CARHSP1: variants seen among roughly 807,000 people sequenced by gnomAD.
CARHSP1 encodes calcium-regulated heat-stable protein 1.
CARHSP1 carries 14 observed loss-of-function variants against 12.5 expected under a neutral mutation model. That is an observed-to-expected ratio of 1.12 (90% confidence interval 0.74 to 1.75). The LOEUF (loss-of-function observed/expected upper bound fraction) is 1.75, where lower values mean the gene tolerates loss of function less well. Among genes scored for constraint, CARHSP1 ranks in the 40% most tolerant of loss-of-function variants. The probability of loss-of-function intolerance (pLI) is 0.00; values close to 1 mark genes in which losing one functional copy is unlikely to be tolerated. For missense variants in CARHSP1, 343 were observed against 201.6 expected, an observed-to-expected ratio of 1.70 and a Z score of -4.25; for synonymous variants, 161 against 82.0, an observed-to-expected ratio of 1.96 and a Z score of -5.20.
intron 3 of CARHSP1, 122 bp downstream of exon 3, chr16:8,858,226 TCA>T (rs1331719435): frequency 4.3e-6 from 5 of 1,170,106 alleles, no homozygotes; most frequent in Non-Finnish European, 4.7e-6. Context: ...ACAGGCAGAG[TCA>T]CACAGGCCCA....
At chr16:8,860,499 G>T in intron 1 of CARHSP1, 1 of 985,434 alleles carries the variant, frequency 1.0e-6, no homozygotes, top group Non-Finnish European at 1.2e-6. Context: ...TCGAGGTTCA[G>T]GGGAAAGAGA....
At chr16:8,865,695 A>T (rs1293380630) in intron 1 of CARHSP1, among the ~76,000 whole-genome samples, 2 of 152,150 alleles carry the variant, frequency 1.3e-5, no homozygotes, top group Non-Finnish European at 1.5e-5. Context: ...TAGTGCTTTC[A>T]TACACCCTAC....
Position 8,858,489 on chromosome 16 carries a change from A to T in CARHSP1, c.159-17T>A, listed in dbSNP as rs199843045. 5.0e-6 allele frequency: 8 copies of T among 1,612,224 alleles called. No individual in the cohort carries two copies. Among genetic ancestry groups the T allele is most frequent in the Non-Finnish European group, 6.8e-6 (8 of 1,179,734 alleles). ...CGCACCGTCCTGACAGAGAGGGGGAAATGTCAGGGGCCCCATCAGCGCTCC... is the reference window on the plus strand; with the variant it reads ...CGCACCGTCCTGACAGAGAGGGGGATATGTCAGGGGCCCCATCAGCGCTCC... On this transcript the variant is annotated splice_polypyrimidine_tract_variant and intron_variant, in intron 2 of 3. Coordinates refer to ENST00000311052, the MANE Select transcript of CARHSP1 (RefSeq NM_014316.4).
chr16:8,863,703 G>C (rs1400101338), intron 1 of CARHSP1, among the ~76,000 whole-genome samples: 1 of 152,188 alleles, frequency 6.6e-6, no homozygotes, highest in Non-Finnish European at 1.5e-5. Flanking sequence ...AGGCCCAGCA[G>C]AGAGGAGTGA....
intron 1 of CARHSP1, chr16:8,860,650 G>C (rs1323874005): frequency 6.3e-6 from 1 of 159,966 alleles, no homozygotes; most frequent in Non-Finnish European, 8.6e-6. Context: ...GATGAAGTAG[G>C]GAGAAGCCTA....
At chr16:8,856,223 C>T (rs748808026) in intron 3 of CARHSP1, among the ~76,000 whole-genome samples, 1 of 152,128 alleles carries the variant, frequency 6.6e-6, no homozygotes, top group Non-Finnish European at 1.5e-5. Flanking sequence ...CATGAGTCAC[C>T]CTCTCACATG....
At chr16:8,858,716 A>C (rs1374667462) in intron 2 of CARHSP1, 1 of 524,788 alleles carries the variant, frequency 1.9e-6, no homozygotes, top group Admixed American at 3.6e-5. Context: ...GGAAAGAGGG[A>C]GTTGAACTAA....
At chr16:8,855,433 C>A in intron 3 of CARHSP1, 107 bp from the exon 4 acceptor site, 2 of 1,006,402 alleles carry the variant, frequency 2.0e-6, no homozygotes, top group South Asian at 2.5e-5. Context: ...CAGGCACCAT[C>A]TGACCAACCA....
rs1396031411 is a variant in CARHSP1 at position 8,861,626 on chromosome 16, C to G, written c.-7-2291G>C. 3.9e-6 allele frequency: 5 copies of G among 1,289,008 alleles called. No individual in the cohort carries two copies. The East Asian group carries it at 2.2e-4, about 57-fold the overall frequency. 79.8% of individuals were successfully genotyped at this position (1,289,008 alleles called of 1,614,324 possible). ...GCCTCAGTTCTGTCGGGCTGGGAAG[C>G]TGGTGGCTGGCTTGCCTTCTGGAGG... On this transcript the variant is annotated intron_variant, in intron 1 of 3. Coordinates refer to ENST00000311052, the MANE Select transcript of CARHSP1 (RefSeq NM_014316.4).
rs184389559 is a variant in CARHSP1 at position 8,860,377 on chromosome 16, A to G, written c.-7-1042T>C. ...CGGTAAATCCAGCTGGAGGGCGGGA[A>G]TTCCCTAGCTGCTGCTGTGCTTTTG... On this transcript the variant is annotated intron_variant, in intron 1 of 3. Transcript: ENST00000311052. 6 of 985,418 alleles carry G rather than the reference A, an allele frequency of 6.1e-6. No individual in the cohort carries two copies. In the East Asian group the frequency reaches 5.7e-4, roughly 93 times the overall value. The allele number at this position is 985,418 out of a possible 1,614,324, so 61.0% of individuals were successfully genotyped here.
intron 3 of CARHSP1, among the ~76,000 whole-genome samples, chr16:8,857,277 T>TTTG (rs2061158838): frequency 1.5e-5 from 1 of 65,906 alleles, no homozygotes; most frequent in African/African-American, 9.5e-5. Context: ...TTTTTTTTTT[T>TTTG]TTTTTTTTTT....
intron 3 of CARHSP1, among the ~76,000 whole-genome samples, chr16:8,857,272 T>TTTTTTTTTG (rs2061156292): frequency 6.8e-5 from 2 of 29,336 alleles, no homozygotes; most frequent in Non-Finnish European, 1.4e-4. Flanking sequence ...TGTTTTTTTT[T>TTTTTTTTTG]TTTTTTTTTT....
intron 1 of CARHSP1, 59 bp from the exon 2 acceptor site, chr16:8,859,394 ACCC>A: frequency 1.4e-6 from 2 of 1,473,438 alleles, no homozygotes; most frequent in Non-Finnish European, 1.8e-6. Context: ...CCCTGTGCTT[ACCC>A]CCATGTCCAC....
At position 8,854,747 on chromosome 16, in the gene CARHSP1, TCAGGCTGC is replaced by T. The variant is rs1206840841; in HGVS notation, c.*409_*416del. On this transcript the variant is annotated 3_prime_UTR_variant, in exon 4 of 4. Transcript: ENST00000311052. ...TTGGAGAAGTCACGCAAGGTCCCTG[TCAGGCTGC>T]CAGGGGGCCAGATCTGGGAATCTGG... 1 of 157,190 alleles carries T rather than the reference TCAGGCTGC, an allele frequency of 6.4e-6. No individual in the cohort carries two copies. Among genetic ancestry groups the T allele is most frequent in the Non-Finnish European group, 1.4e-5 (1 of 71,350 alleles). 9.7% of individuals were successfully genotyped at this position (157,190 alleles called of 1,614,324 possible). A position where few individuals can be genotyped will look rare whatever the true frequency, so the allele number is the denominator to read the frequency against.
intron 1 of CARHSP1, among the ~76,000 whole-genome samples, chr16:8,864,366 C>T (rs1350526692): frequency 6.6e-6 from 1 of 152,192 alleles, no homozygotes; most frequent in Non-Finnish European, 1.5e-5. Flanking sequence ...ATGAACTCTG[C>T]CACTTCCTAT....
intron 1 of CARHSP1, 93 bp from the exon 2 acceptor site, chr16:8,859,428 A>C: frequency 8.6e-7 from 1 of 1,166,242 alleles, no homozygotes; most frequent in Non-Finnish European, 1.2e-6. Flanking sequence ...CCAGTATCTG[A>C]GGCTCATTCC....
rs1446657004 is a variant in CARHSP1 at position 8,853,550 on chromosome 16, T to C, written c.*1614A>G. 6.6e-6 allele frequency: 1 copy of C among 152,158 alleles called. No individual in the cohort carries two copies. The highest frequency in any genetic ancestry group is 1.5e-5 in the Non-Finnish European group (1 of 68,032). 9.4% of individuals were successfully genotyped at this position (152,158 alleles called of 1,614,324 possible). A position where few individuals can be genotyped will look rare whatever the true frequency, so the allele number is the denominator to read the frequency against. On this transcript the variant is annotated 3_prime_UTR_variant, in exon 4 of 4. Transcript: ENST00000311052. ...GGCTGAAAGGACAAACTCATCAGAG[T>C]TGAGGAGTACCTACCTGATGAAGCT...
At chr16:8,861,949 G>C (rs1313711972) in intron 1 of CARHSP1, 1 of 227,262 alleles carries the variant, frequency 4.4e-6, no homozygotes, top group African/African-American at 2.5e-5. Flanking sequence ...TCTATCCAAA[G>C]TCTCCCTCCC....
chr16:8,861,156 TAA>T (rs1372616463), intron 1 of CARHSP1, among the ~76,000 whole-genome samples: 3 of 126,530 alleles, frequency 2.4e-5, no homozygotes, highest in Non-Finnish European at 4.8e-5. Flanking sequence ...CCTCCATGCC[TAA>T]TTTTTTTTTT....
Sources: gnomAD v4.1 joint callset for allele counts (sites outside exome capture counted in the v4.1 genomes callset) on GRCh38, gnomAD v4.1.1 for gene constraint, MANE v1.5 for transcripts, NCBI Gene and HGNC (gene_info 2026-07-23, HGNC 2026-07-21) for gene names.